TRHDE: variants seen among roughly 807,000 people sequenced by gnomAD.
The protein encoded by TRHDE is thyrotropin releasing hormone degrading enzyme.
TRHDE carries 72 observed loss-of-function variants against 125.7 expected under a neutral mutation model. That is an observed-to-expected ratio of 0.57 (90% CI 0.47 to 0.70). The LOEUF is 0.70. TRHDE is among the 30% of genes least tolerant of loss of function. The pLI is 0.00. For missense variants in TRHDE, 1,110 were observed against 1,327.1 expected, an observed-to-expected ratio of 0.84 and a Z score of 2.54; for synonymous variants, 509 against 509.1, an observed-to-expected ratio of 1.00 and a Z score of 0.00.
In TRHDE at chr12:72,530,398, C is replaced by T. The variant is rs898658277; in HGVS notation, c.1723-11893C>T. Among the ~76,000 whole-genome samples, 9 of 94,754 alleles carry T rather than the reference C, an allele frequency of 9.5e-5. No individual in the cohort carries two copies. The East Asian group carries it at 1.2e-3, about 12-fold the overall frequency. 62.2% of individuals were successfully genotyped at this position (94,754 alleles called of 152,430 possible). ...CATTTTACGTTTGAAACACTTTCTT[C>T]ATTTTGTTTCCTAGAAGCTTTTTTT... is the stretch of plus-strand genomic sequence containing the variant. On this transcript the variant is annotated intron_variant, in intron 6 of 18. Transcript: ENST00000261180.
chr12:72,427,534 C>T (rs906745172), intron 3 of TRHDE, among the ~76,000 whole-genome samples: 3 of 152,014 alleles, frequency 2.0e-5, no homozygotes, highest in Non-Finnish European at 4.4e-5. Flanking sequence ...GTATCCCTGG[C>T]TTTTGTTGGG....
chr12:72,128,225 T>C (rs1212476459), intron 2 of TRHDE, among the ~76,000 whole-genome samples: 2 of 152,208 alleles, frequency 1.3e-5, no homozygotes, highest in East Asian at 3.8e-4. Context: ...ATAATTGTGG[T>C]ACCATTCCTG....
chr12:72,447,928 A>G (rs1875379599), intron 3 of TRHDE, among the ~76,000 whole-genome samples: 1 of 152,062 alleles, frequency 6.6e-6, no homozygotes, highest in African/African-American at 2.4e-5. Flanking sequence ...GAAAAAATTT[A>G]TAACTGTAAC....
chr12:72,199,012 G>A (rs960870155), intron 2 of TRHDE, among the ~76,000 whole-genome samples: 5 of 152,038 alleles, frequency 3.3e-5, no homozygotes, highest in African/African-American at 9.7e-5. Flanking sequence ...ATCAGATCTC[G>A]TGAGAACACA....
At chr12:72,404,438 T>C (rs527569040) in intron 3 of TRHDE, among the ~76,000 whole-genome samples, 1 of 151,964 alleles carries the variant, frequency 6.6e-6, no homozygotes, top group African/African-American at 2.4e-5. Context: ...AGATTCTGTC[T>C]CAAAAAACAA....
At chr12:72,580,571 A>G (rs1255762959) in intron 12 of TRHDE, among the ~76,000 whole-genome samples, 1 of 152,184 alleles carries the variant, frequency 6.6e-6, no homozygotes, top group Non-Finnish European at 1.5e-5. Flanking sequence ...CCTCCTGAGT[A>G]GCTGGGATTA....
chr12:72,411,284 A>G (rs2135814879), intron 3 of TRHDE, among the ~76,000 whole-genome samples: 1 of 151,930 alleles, frequency 6.6e-6, no homozygotes, highest in Non-Finnish European at 1.5e-5. Context: ...AAGAGATTCA[A>G]CTATTATTAC....
rs142297565 is a variant in TRHDE at position 72,104,482 on chromosome 12, C to T, written n.175-1166C>T. On this transcript the variant is annotated intron_variant and non_coding_transcript_variant, in intron 1 of 4. Transcript: ENST00000548156. ...TTGCCTAGTGCAATTCACAAAGGTG[C>T]GTACACAAGAAGGGAGAAAAAAAAT... Among the ~76,000 whole-genome samples the T allele has an allele frequency of 1.1e-3, 160 of 152,120 alleles. 4 individuals carry two copies. The East Asian group carries it at 0.017, about 16-fold the overall frequency.
At position 72,641,112 on chromosome 12, in the gene TRHDE, G is replaced by C. The variant is rs528072846; in HGVS notation, c.2676-11210G>C. ...AATGACCTTGACTTACCTGGATCTAGAGGCAGTTACTGGTCAAATTAGGTC... is the reference window on the plus strand; with the variant it reads ...AATGACCTTGACTTACCTGGATCTACAGGCAGTTACTGGTCAAATTAGGTC... On this transcript the variant is annotated intron_variant, in intron 15 of 18. Coordinates refer to ENST00000261180, the MANE Select transcript of TRHDE (RefSeq NM_013381.3). Among the ~76,000 whole-genome samples the C allele has an allele frequency of 2.6e-5, 4 of 152,300 alleles. No individual in the cohort carries two copies. In the South Asian group the frequency reaches 8.3e-4, roughly 32 times the overall value.
intron 3 of TRHDE, among the ~76,000 whole-genome samples, chr12:72,416,029 G>T (rs12184496): frequency 6.6e-6 from 1 of 151,726 alleles, no homozygotes; most frequent in Admixed American, 6.6e-5. Flanking sequence ...CTTTCTCCAC[G>T]TCCTTGCCAG....
chr12:72,326,548 C>A (rs1313103759), intron 2 of TRHDE, among the ~76,000 whole-genome samples: 1 of 151,918 alleles, frequency 6.6e-6, no homozygotes, highest in Non-Finnish European at 1.5e-5. Context: ...CACATGTATC[C>A]CAGAACTTAA....
chr12:72,661,247 G>A (rs1212492688), intron 18 of TRHDE, among the ~76,000 whole-genome samples: 1 of 152,100 alleles, frequency 6.6e-6, no homozygotes, highest in East Asian at 1.9e-4. Context: ...CCCATAGTTT[G>A]CCTTTGAGGA....
At chr12:72,293,873 A>G (rs1449055933) in intron 2 of TRHDE, among the ~76,000 whole-genome samples, 3 of 152,132 alleles carry the variant, frequency 2.0e-5, no homozygotes, top group African/African-American at 4.8e-5. Context: ...CTAGCCAAGG[A>G]TGAGTCAGGT....
At chr12:72,567,588 T>G (rs1327004599) in intron 9 of TRHDE, among the ~76,000 whole-genome samples, 5 of 152,052 alleles carry the variant, frequency 3.3e-5, no homozygotes, top group African/African-American at 4.8e-5. Flanking sequence ...TCCCCAGGCA[T>G]GTTTCCCGAA....
At chr12:72,290,860 T>TA (rs1173027263) in intron 2 of TRHDE, among the ~76,000 whole-genome samples, 2 of 152,204 alleles carry the variant, frequency 1.3e-5, no homozygotes, top group African/African-American at 4.8e-5. Flanking sequence ...TTTTTAAACT[T>TA]ACCTTCAGAA....
chr12:72,151,244 T>A (rs1220272591), intron 2 of TRHDE, among the ~76,000 whole-genome samples: 3 of 152,154 alleles, frequency 2.0e-5, no homozygotes, highest in African/African-American at 4.8e-5. Context: ...TTTGATGGAG[T>A]TGTTTTTTTC....
At chr12:72,160,176 G>T (rs1241255095) in intron 2 of TRHDE, among the ~76,000 whole-genome samples, 1 of 152,072 alleles carries the variant, frequency 6.6e-6, no homozygotes, top group Non-Finnish European at 1.5e-5. Context: ...GTTGGCCAAG[G>T]TTTCTTGGCT....
At chr12:72,206,678 C>T (rs926336236) in intron 2 of TRHDE, among the ~76,000 whole-genome samples, 31 of 151,830 alleles carry the variant, frequency 2.0e-4, no homozygotes, top group African/African-American at 7.5e-4. Flanking sequence ...ATCCCTTTTC[C>T]CATGGAATTC....
intron 2 of TRHDE, among the ~76,000 whole-genome samples, chr12:72,334,972 A>C (rs545584160): frequency 1.3e-5 from 2 of 152,294 alleles, no homozygotes; most frequent in East Asian, 3.9e-4. Context: ...GTTCGCAGGC[A>C]AATGCCAGAA....
Sources: allele counts gnomAD v4.1 joint callset (sites outside exome capture counted in the v4.1 genomes callset), GRCh38; gene constraint gnomAD v4.1.1; transcripts MANE v1.5; gene names NCBI Gene and HGNC (gene_info 2026-07-23, HGNC 2026-07-21).